Variants in SLC28A3 observed in about 807,000 individuals in gnomAD.
SLC28A3 encodes concentrative Na(+)-nucleoside cotransporter 3.
SLC28A3 carries 68 observed loss-of-function variants against 84.2 expected under a neutral mutation model. The observed-to-expected ratio is 0.81, with a 90% CI of 0.66 to 0.99. The LOEUF is 0.99. SLC28A3 is among the 50% of genes least tolerant of loss of function. The probability of loss-of-function intolerance (pLI) is 0.00; values close to 1 mark genes in which losing one functional copy is unlikely to be tolerated. For synonymous variants in SLC28A3, 267 were observed against 303.6 expected, an observed-to-expected ratio of 0.88 and a Z score of 1.25; for missense variants, 712 against 841.5, an observed-to-expected ratio of 0.85 and a Z score of 1.90.
At chr9:84,278,394 C>G in intron 17 of SLC28A3, 50 bp from the exon 18 acceptor site, 1 of 1,608,934 alleles carries the variant, frequency 6.2e-7, no homozygotes, top group Non-Finnish European at 8.5e-7. Flanking sequence ...ATGGCAGAAA[C>G]AGTAGGTGAG....
the SLC28A3 span, among the ~76,000 whole-genome samples, chr9:84,350,358 C>T: frequency 6.6e-6 from 1 of 152,018 alleles, no homozygotes; most frequent in Admixed American, 6.6e-5. Context: ...AGGGGAATCG[C>T]TTGAACCAGG....
the SLC28A3 span, among the ~76,000 whole-genome samples, chr9:84,367,086 C>T: frequency 2.6e-5 from 4 of 152,138 alleles, no homozygotes; most frequent in Admixed American, 6.5e-5. Context: ...GGCACTCAAA[C>T]CATAAGACAC....
chr9:84,316,993 T>C (rs1826191021), intron 1 of SLC28A3, among the ~76,000 whole-genome samples: 1 of 134,216 alleles, frequency 7.5e-6, no homozygotes, highest in Admixed American at 7.6e-5. Flanking sequence ...AGAGCAAGAC[T>C]CCGTCTCAAA....
chr9:84,295,965 T>A (rs1269084581), intron 8 of SLC28A3, among the ~76,000 whole-genome samples: 2 of 152,190 alleles, frequency 1.3e-5, no homozygotes, highest in Admixed American at 6.5e-5. Flanking sequence ...AGGCAGTGCC[T>A]TCCTGAAAGC....
intron 14 of SLC28A3, among the ~76,000 whole-genome samples, chr9:84,284,160 A>T (rs1278723459): frequency 6.6e-6 from 1 of 152,190 alleles, no homozygotes; most frequent in African/African-American, 2.4e-5. Flanking sequence ...GCAATTGGGG[A>T]TAGAAAACAT....
At chr9:84,305,601 C>T (rs1324530489) in intron 3 of SLC28A3, among the ~76,000 whole-genome samples, 1 of 152,142 alleles carries the variant, frequency 6.6e-6, no homozygotes, top group Non-Finnish European at 1.5e-5. Flanking sequence ...AGACAACATG[C>T]TCCTGGGAAC....
Position 84,305,308 on chromosome 9 carries a change from A to G in SLC28A3, c.280T>C (p.Cys94Arg), listed in dbSNP as rs781598592. 5.0e-6 allele frequency: 8 copies of G among 1,613,514 alleles called. No homozygotes were observed. Among genetic ancestry groups the G allele is most frequent in the Admixed American group, 3.3e-5 (2 of 59,920 alleles). The change falls in exon 4 of 18, where the codon TGT becomes CGT. Residue 94 changes from cysteine to arginine, a missense_variant. By Grantham distance (180) the Cys-to-Arg change is radical (BLOSUM62 -3). Transcript: ENST00000376238. ...CGAAGAGTTGTTTTGTGTTTCCTAC[A>G]GAAACCACATACTGTGTCATACCTC... ...ERRYDTVCGF[C>R]RKHKTTLRHI...
chr9:84,279,475 GC>G (rs1410360529), intron 16 of SLC28A3, 90 bp from the exon 17 acceptor site: 2 of 1,042,890 alleles, frequency 1.9e-6, no homozygotes, highest in Non-Finnish European at 2.4e-6. Flanking sequence ...AGAGTCTTGC[GC>G]TTTTGCCCAG....
chr9:84,361,748 G>GA, the SLC28A3 span, among the ~76,000 whole-genome samples: 182 of 142,914 alleles, frequency 1.3e-3, no homozygotes, highest in Middle Eastern at 3.6e-3. Context: ...TTCAGCTGTG[G>GA]AAAAAAAAAA....
chr9:84,289,619 T>G (rs1274675691), intron 11 of SLC28A3, among the ~76,000 whole-genome samples: 3 of 152,174 alleles, frequency 2.0e-5, no homozygotes, highest in African/African-American at 7.2e-5. Context: ...TGCAGAAAGG[T>G]TTGAGAATCA....
intron 5 of SLC28A3, among the ~76,000 whole-genome samples, chr9:84,301,592 G>A (rs914838978): frequency 6.6e-6 from 1 of 152,188 alleles, no homozygotes. Context: ...TAAATAAATT[G>A]TAAAGAGAAT....
chr9:84,278,208 G>C lies in SLC28A3; in HGVS notation c.*10C>G. The C allele has an allele frequency of 6.2e-7, 1 of 1,612,596 alleles. No individual in the cohort carries two copies. The highest frequency in any genetic ancestry group is 8.5e-7 in the Non-Finnish European group (1 of 1,179,178). On this transcript the variant is annotated 3_prime_UTR_variant, in exon 18 of 18. Coordinates refer to ENST00000376238, the MANE Select transcript of SLC28A3 (RefSeq NM_001199633.2). Reference sequence around the variant, plus strand: ...TGTACTTCAGAGTTCCACTGGAGAAGTGGCTGACCTCAAAATGTATTAGAG... The same window carrying C: ...TGTACTTCAGAGTTCCACTGGAGAACTGGCTGACCTCAAAATGTATTAGAG...
At chr9:84,296,151 G>A (rs1272266501) in intron 8 of SLC28A3, among the ~76,000 whole-genome samples, 4 of 152,128 alleles carry the variant, frequency 2.6e-5, no homozygotes, top group East Asian at 3.9e-4. Context: ...TTCTGAATTC[G>A]TTTCATGATA....
At chr9:84,296,833 A>G (rs1825432521) in intron 8 of SLC28A3, among the ~76,000 whole-genome samples, 1 of 152,158 alleles carries the variant, frequency 6.6e-6, no homozygotes, top group South Asian at 2.1e-4. Flanking sequence ...GCTGTCACTG[A>G]TCCTGGACCC....
chr9:84,280,175 T>C, intron 15 of SLC28A3, 102 bp from the exon 16 acceptor site: 1 of 375,036 alleles, frequency 2.7e-6, no homozygotes, highest in Non-Finnish European at 3.9e-6. Flanking sequence ...GTCAGCTGAC[T>C]TTTTTTTTTT....
chr9:84,364,979 C>T, the SLC28A3 span, among the ~76,000 whole-genome samples: 1 of 152,202 alleles, frequency 6.6e-6, no homozygotes, highest in South Asian at 2.1e-4. Flanking sequence ...CTGCAACAAA[C>T]ATGTGAGTGC....
At chr9:84,328,584 C>G (rs1228012505) in intron 1 of SLC28A3, among the ~76,000 whole-genome samples, 1 of 152,004 alleles carries the variant, frequency 6.6e-6, no homozygotes, top group African/African-American at 2.4e-5. Flanking sequence ...TATGGTGAAA[C>G]CCCATCTCTA....
At chr9:84,289,633 C>T (rs1825133626) in intron 11 of SLC28A3, among the ~76,000 whole-genome samples, 1 of 152,218 alleles carries the variant, frequency 6.6e-6, no homozygotes, top group African/African-American at 2.4e-5. Context: ...AGAATCACTG[C>T]TCTAGACCAG....
At chr9:84,320,046 T>TGTTTTTTTTG (rs1372023054) in intron 1 of SLC28A3, among the ~76,000 whole-genome samples, 1 of 122,338 alleles carries the variant, frequency 8.2e-6, no homozygotes, top group African/African-American at 3.6e-5. Context: ...CACTGTTTTT[T>TGTTTTTTTTG]TTTTTTTTTT....
Sources: gnomAD v4.1 joint callset for allele counts (sites outside exome capture counted in the v4.1 genomes callset) on GRCh38, gnomAD v4.1.1 for gene constraint, MANE v1.5 for transcripts, NCBI Gene and HGNC (gene_info 2026-07-23, HGNC 2026-07-21) for gene names.